The following L3MBTL4 variants were observed in gnomAD, a reference collection of about 807,000 sequenced individuals.
L3MBTL4 encodes the protein L3MBTL histone methyl-lysine binding protein 4, also known as lethal(3)malignant brain tumor-like protein 4.
In L3MBTL4, 70 loss-of-function variants were observed where a neutral mutation model predicts 84.5. The observed-to-expected ratio is 0.83, with a 90% CI of 0.68 to 1.01. The LOEUF is 1.01. Ranked by LOEUF, L3MBTL4 falls within the 50% of genes least tolerant of loss-of-function variation. L3MBTL4 has a pLI of 0.00. For synonymous variants in L3MBTL4, 274 were observed against 259.8 expected (o/e 1.05, Z -0.52); for missense variants, 715 against 754.8 (o/e 0.95, Z 0.62).
At chr18:6,376,022 A>C (rs1044230156) in intron 1 of L3MBTL4, among the ~76,000 whole-genome samples, 2 of 152,204 alleles carry the variant, frequency 1.3e-5, no homozygotes, top group African/African-American at 4.8e-5. Context: ...CAGCACATTA[A>C]GGAAACTCCA....
chr18:6,197,314 C>T (rs2045446567), intron 12 of L3MBTL4, among the ~76,000 whole-genome samples: 1 of 152,174 alleles, frequency 6.6e-6, no homozygotes, highest in African/African-American at 2.4e-5. Flanking sequence ...CTCCCTGTGT[C>T]CACGTGTTCT....
chr18:6,272,375 A>G lies in L3MBTL4; in HGVS notation c.128-8337T>C, dbSNP rs138704925. On this transcript the variant is annotated intron_variant, in intron 4 of 18. Transcript: ENST00000317931. Reference sequence around the variant, plus strand: ...TCTGCTAAGAGTAAAGGTCACAGCGACGCCTTCAGGAGCACGGGGAAAGGG... The same window carrying G: ...TCTGCTAAGAGTAAAGGTCACAGCGGCGCCTTCAGGAGCACGGGGAAAGGG... Among the ~76,000 whole-genome samples the G allele has an allele frequency of 1.9e-3, 287 of 150,792 alleles. 5 individuals are homozygous for G. Among genetic ancestry groups the G allele is most frequent in the African/African-American group, 6.6e-3 (269 of 40,682 alleles).
At chr18:6,393,508 G>C (rs746812082) in intron 1 of L3MBTL4, among the ~76,000 whole-genome samples, 1 of 152,158 alleles carries the variant, frequency 6.6e-6, no homozygotes, top group Non-Finnish European at 1.5e-5. Flanking sequence ...ATGCAGACCT[G>C]TTCTAAGCAC....
intron 18 of L3MBTL4, among the ~76,000 whole-genome samples, chr18:5,957,351 C>G (rs1490598176): frequency 1.3e-5 from 2 of 152,114 alleles, no homozygotes; most frequent in Non-Finnish European, 2.9e-5. Context: ...ACATTATACA[C>G]TTTGAATGTA....
chr18:6,394,950 AAAG>A (rs2055208093), intron 1 of L3MBTL4: 1 of 152,198 alleles, frequency 6.6e-6, no homozygotes, highest in Non-Finnish European at 1.5e-5. Context: ...TCAATACACA[AAAG>A]AATATAGATC....
At chr18:6,338,986 A>G (rs1454032496) in intron 1 of L3MBTL4, among the ~76,000 whole-genome samples, 1 of 152,216 alleles carries the variant, frequency 6.6e-6, no homozygotes, top group Admixed American at 6.5e-5. Context: ...GTACTCATTA[A>G]CAGAATTTCA....
At chr18:6,193,584 G>C (rs1330852695) in intron 12 of L3MBTL4, among the ~76,000 whole-genome samples, 1 of 152,224 alleles carries the variant, frequency 6.6e-6, no homozygotes, top group African/African-American at 2.4e-5. Flanking sequence ...GAGCCGGGAC[G>C]GGGCAGAGTT....
chr18:6,043,480 T>C (rs908046785), intron 16 of L3MBTL4, among the ~76,000 whole-genome samples: 4 of 152,172 alleles, frequency 2.6e-5, no homozygotes, highest in Non-Finnish European at 5.9e-5. Flanking sequence ...GCTCATCCCT[T>C]ATATATTAGA....
chr18:6,173,002 C>T (rs2044049390), intron 12 of L3MBTL4, among the ~76,000 whole-genome samples: 1 of 152,170 alleles, frequency 6.6e-6, no homozygotes, highest in Non-Finnish European at 1.5e-5. Context: ...ATCAGCATCA[C>T]CGACCTAGGC....
At chr18:6,403,627 A>G (rs1052723352) in intron 1 of L3MBTL4, among the ~76,000 whole-genome samples, 1 of 152,262 alleles carries the variant, frequency 6.6e-6, no homozygotes, top group African/African-American at 2.4e-5. Flanking sequence ...CTTTTCTGAC[A>G]GTATGTATAA....
At chr18:6,180,948 A>C (rs902988621) in intron 12 of L3MBTL4, among the ~76,000 whole-genome samples, 3 of 152,248 alleles carry the variant, frequency 2.0e-5, no homozygotes, top group African/African-American at 7.2e-5. Flanking sequence ...CAGCCACCAA[A>C]AGGAACGACG....
At chr18:6,345,036 A>C (rs1209974344) in intron 1 of L3MBTL4, among the ~76,000 whole-genome samples, 1 of 151,962 alleles carries the variant, frequency 6.6e-6, no homozygotes, top group Non-Finnish European at 1.5e-5. Flanking sequence ...GAAAGAAAGA[A>C]GTAAAATTGT....
intron 1 of L3MBTL4, among the ~76,000 whole-genome samples, chr18:6,364,216 C>T (rs1278928270): frequency 6.6e-6 from 1 of 152,032 alleles, no homozygotes; most frequent in Non-Finnish European, 1.5e-5. Flanking sequence ...GAAACAACGC[C>T]GCTCTAGTCA....
At position 6,238,162 on chromosome 18, in the gene L3MBTL4, G is replaced by A. The variant is rs1568361891; in HGVS notation, c.708-122C>T. On this transcript the variant is annotated intron_variant, in intron 9 of 18. Coordinates refer to ENST00000317931, the MANE Select transcript of L3MBTL4 (RefSeq NM_001330559.2). Reference sequence around the variant, plus strand: ...GAAAACAGTACTTCATAGCTGGAGAGAATTAGAAGGAATTTTCAGTACTGC... The same window carrying A: ...GAAAACAGTACTTCATAGCTGGAGAAAATTAGAAGGAATTTTCAGTACTGC... 7 of 818,406 alleles carry A rather than the reference G, an allele frequency of 8.6e-6. No individual in the cohort carries two copies. The South Asian group carries it at 1.0e-4, about 12-fold the overall frequency. The allele number at this position is 818,406 out of a possible 1,614,324, so 50.7% of individuals were successfully genotyped here.
At chr18:6,291,505 G>A (rs1448796346) in intron 4 of L3MBTL4, among the ~76,000 whole-genome samples, 1 of 152,248 alleles carries the variant, frequency 6.6e-6, no homozygotes, top group South Asian at 2.1e-4. Flanking sequence ...CAGACACACA[G>A]ACTGATGGAA....
At chr18:6,285,924 C>T (rs918578495) in intron 4 of L3MBTL4, among the ~76,000 whole-genome samples, 91 of 151,354 alleles carry the variant, frequency 6.0e-4, no homozygotes, top group Middle Eastern at 6.8e-3. Context: ...CTCCGCCTCC[C>T]GGGTTCAAGC....
intron 14 of L3MBTL4, among the ~76,000 whole-genome samples, chr18:6,099,854 TCTAC>T (rs1386989029): frequency 1.3e-5 from 2 of 151,960 alleles, no homozygotes; most frequent in Non-Finnish European, 2.9e-5. Context: ...TCTATATCTA[TCTAC>T]CTAACTATCT....
At chr18:6,098,963 G>A (rs984473110) in intron 14 of L3MBTL4, among the ~76,000 whole-genome samples, 2 of 152,124 alleles carry the variant, frequency 1.3e-5, no homozygotes, top group African/African-American at 2.4e-5. Flanking sequence ...TATCAGATAA[G>A]GAGAGAGGGC....
At chr18:5,995,568 T>C (rs2145197161) in intron 16 of L3MBTL4, among the ~76,000 whole-genome samples, 1 of 152,346 alleles carries the variant, frequency 6.6e-6, no homozygotes, top group Non-Finnish European at 1.5e-5. Flanking sequence ...CTTTTCTTTC[T>C]GTTTTCAGGG....
Sources: allele counts gnomAD v4.1 joint callset (sites outside exome capture counted in the v4.1 genomes callset), GRCh38; gene constraint gnomAD v4.1.1; transcripts MANE v1.5; gene names NCBI Gene and HGNC (gene_info 2026-07-23, HGNC 2026-07-21).